Variants in MICU2 observed in about 807,000 individuals in gnomAD.
The protein encoded by MICU2 is calcium uptake protein 2, mitochondrial.
A neutral mutation model predicts 60.4 loss-of-function variants in MICU2; 64 were observed. The ratio of observed to expected loss-of-function variants is 1.06; its 90% CI spans 0.87 to 1.31. The LOEUF is 1.31. Among genes scored for constraint, MICU2 ranks in the 50% most tolerant of loss-of-function variants. MICU2 has a pLI of 0.00. For missense variants in MICU2, 569 were observed against 531.0 expected, an observed-to-expected ratio of 1.07 and a Z score of -0.70; for synonymous variants, 201 against 175.0, an observed-to-expected ratio of 1.15 and a Z score of -1.17.
chr13:21,576,666 C>T (rs1238675720), intron 1 of MICU2, among the ~76,000 whole-genome samples: 1 of 152,162 alleles, frequency 6.6e-6, no homozygotes, highest in African/African-American at 2.4e-5. Context: ...CTTCCATACC[C>T]CAGTCCTCAG....
chr13:21,499,044 T>C (rs1453916260), intron 9 of MICU2, among the ~76,000 whole-genome samples: 1 of 151,946 alleles, frequency 6.6e-6, no homozygotes, highest in African/African-American at 2.4e-5. Context: ...TCCGCCTCCC[T>C]CATTCAAGCG....
chr13:21,549,656 C>G (rs997721561), intron 2 of MICU2, among the ~76,000 whole-genome samples: 1 of 152,072 alleles, frequency 6.6e-6, no homozygotes, highest in Non-Finnish European at 1.5e-5. Context: ...TAAATAAGGG[C>G]ATATCATATA....
At chr13:21,582,462 A>G (rs957658154) in intron 1 of MICU2, among the ~76,000 whole-genome samples, 6 of 152,256 alleles carry the variant, frequency 3.9e-5, no homozygotes, top group African/African-American at 1.4e-4. Flanking sequence ...TTGAGAAACA[A>G]GCAACAGCTC....
At chr13:21,526,009 A>G (rs1886846537) in intron 4 of MICU2, among the ~76,000 whole-genome samples, 2 of 151,246 alleles carry the variant, frequency 1.3e-5, no homozygotes, top group Non-Finnish European at 2.9e-5. Flanking sequence ...GTAGTGGTTC[A>G]CTGCAGCCTT....
intron 9 of MICU2, 136 bp from the exon 10 acceptor site, chr13:21,496,296 C>T: frequency 6.1e-6 from 4 of 655,970 alleles, no homozygotes; most frequent in East Asian, 2.9e-5. Flanking sequence ...TTTCTCTGTC[C>T]CTTTCTCTCT....
In MICU2 at chr13:21,544,532, A is replaced by AAAAAAAAAC. The variant is rs560934524; in HGVS notation, c.359-4845_359-4844insGTTTTTTTT. Reference sequence around the variant, plus strand: ...TAAACACATGAAAAAAAAAAAAAAAAAACTCAATACCACTGATCATCAGGG... The same window carrying AAAAAAAAAC: ...TAAACACATGAAAAAAAAAAAAAAAAAAAAAAAACAACTCAATACCACTGATCATCAGGG... On this transcript the variant is annotated intron_variant, in intron 2 of 11. Coordinates refer to ENST00000382374, the MANE Select transcript of MICU2 (RefSeq NM_152726.3). 4.1e-4 allele frequency among the ~76,000 whole-genome samples: 55 copies of AAAAAAAAAC among 132,578 alleles called. 1 individual carries two copies. Among genetic ancestry groups the AAAAAAAAAC allele is most frequent in the Non-Finnish European group, 6.3e-4 (39 of 61,854 alleles). The allele number at this position is 132,578 out of a possible 152,430, so 87.0% of individuals were successfully genotyped here. A position where few individuals can be genotyped will look rare whatever the true frequency, so the allele number is the denominator to read the frequency against.
chr13:21,555,123 CTA>C (rs1178946857), intron 2 of MICU2, among the ~76,000 whole-genome samples: 3 of 152,284 alleles, frequency 2.0e-5, no homozygotes, highest in African/African-American at 7.2e-5. Context: ...CCTTCTGAAA[CTA>C]TTCCAATCAA....
chr13:21,503,018 C>A lies in MICU2; in HGVS notation c.841G>T (p.Glu281Ter). The A allele has an allele frequency of 1.2e-6, 2 of 1,610,692 alleles. No individual in the cohort carries two copies. The highest frequency in any genetic ancestry group is 8.5e-7 in the Non-Finnish European group (1 of 1,178,940). ...AAAAGTAGCCACTCTGCAAAGTCTT[C>A]TTTTCTCATGAAACTCAAACCTTTA... is the stretch of plus-strand genomic sequence containing the variant. Reference protein sequence around the residue: ...FSKGLSFMRKEDFAEWLLFFT... With the variant: ...FSKGLSFMRK The change falls in exon 9 of 12, where the codon GAA (glutamate) becomes TAA (stop). Residue 281 changes from glutamate (E) to a stop codon, truncating the protein, a stop_gained. Transcript: ENST00000382374. LOFTEE classifies it high-confidence loss of function.
In MICU2 at chr13:21,558,266, AT is replaced by A. The variant is rs1887756719; in HGVS notation, c.358+8530del. Among the ~76,000 whole-genome samples the A allele has an allele frequency of 1.3e-5, 2 of 152,094 alleles. 1 individual carries two copies. Among genetic ancestry groups the A allele is most frequent in the South Asian group, 4.1e-4 (2 of 4,826 alleles). ...CTTCAGTCACCCTGGGATGAGAGTA[AT>A]TTGGGCAGCACTCTAGTTTCCGTTT... On this transcript the variant is annotated intron_variant, in intron 2 of 11. Transcript: ENST00000382374.
intron 1 of MICU2, among the ~76,000 whole-genome samples, chr13:21,596,516 G>A (rs1052454342): frequency 1.3e-5 from 2 of 151,338 alleles, no homozygotes; most frequent in Admixed American, 6.6e-5. Context: ...CTCCGCCTCC[G>A]GGGTTCAAGT....
intron 2 of MICU2, among the ~76,000 whole-genome samples, chr13:21,560,317 GCAC>G (rs1887810282): frequency 1.5e-5 from 1 of 66,012 alleles, no homozygotes; most frequent in Non-Finnish European, 4.1e-5. Context: ...ATATCCAACT[GCAC>G]TAGTACCATT....
At chr13:21,581,478 A>G (rs1888347271) in intron 1 of MICU2, among the ~76,000 whole-genome samples, 2 of 152,328 alleles carry the variant, frequency 1.3e-5, no homozygotes, top group South Asian at 4.1e-4. Flanking sequence ...AACTCCCTGA[A>G]ATCTGTGTGA....
In MICU2 at chr13:21,514,281, C is replaced by A; in HGVS notation, c.663+72G>T. On this transcript the variant is annotated intron_variant, in intron 7 of 11. Coordinates refer to ENST00000382374, the MANE Select transcript of MICU2 (RefSeq NM_152726.3). ...TGATACCAAATCTATTGGTAACTAT[C>A]GGGAATATCTGAACAAACAAAATAG... The A allele has an allele frequency of 2.4e-6, 3 of 1,265,670 alleles. No homozygotes were observed. In the South Asian group the frequency reaches 3.9e-5, roughly 17 times the overall value. 78.4% of individuals were successfully genotyped at this position (1,265,670 alleles called of 1,614,324 possible).
At chr13:21,517,604 T>C (rs1156876420) in intron 6 of MICU2, among the ~76,000 whole-genome samples, 1 of 151,990 alleles carries the variant, frequency 6.6e-6, no homozygotes, top group Non-Finnish European at 1.5e-5. Context: ...GGTGAAACCC[T>C]GTCTCTACTA....
intron 1 of MICU2, among the ~76,000 whole-genome samples, chr13:21,581,587 T>C (rs1305426557): frequency 6.6e-6 from 1 of 152,192 alleles, no homozygotes; most frequent in Non-Finnish European, 1.5e-5. Context: ...CAAAGATGAA[T>C]GATAAAATGG....
intron 6 of MICU2, among the ~76,000 whole-genome samples, chr13:21,517,992 G>T (rs1032766857): frequency 5.9e-5 from 9 of 151,978 alleles, no homozygotes; most frequent in Non-Finnish European, 1.2e-4. Context: ...TCAGCACAAA[G>T]AACCTTCTTT....
At chr13:21,596,787 A>T (rs1888703990) in intron 1 of MICU2, among the ~76,000 whole-genome samples, 1 of 152,210 alleles carries the variant, frequency 6.6e-6, no homozygotes. Context: ...AACCAAAGCC[A>T]TTCTCTTGCT....
Position 21,496,052 on chromosome 13 carries a change from C to T in MICU2, c.1042G>A (p.Ala348Thr), listed in dbSNP as rs760237154. Residue 348 changes from alanine (A) to threonine (T), a missense_variant and splice_region_variant, in exon 10 of 12, where the codon GCG becomes ACG. By Grantham distance (58) the Ala-to-Thr change is moderately conservative. Transcript: ENST00000382374. ...TTAAATGGTTTTTCATATAACTTAC[C>T]TAGTCTGACAGGACGATGAGCTAAA... ...FSLAHRPVRL[A>T]EFKRAVKVAT... 6.2e-7 allele frequency: 1 copy of T among 1,605,392 alleles called. No individual in the cohort carries two copies. Among genetic ancestry groups the T allele is most frequent in the East Asian group, 2.2e-5 (1 of 44,720 alleles).
chr13:21,502,150 CT>C (rs869252511), intron 9 of MICU2, among the ~76,000 whole-genome samples: 2 of 139,898 alleles, frequency 1.4e-5, no homozygotes, highest in African/African-American at 2.6e-5. Flanking sequence ...AAGTTTTCTT[CT>C]TTTTTTTTGT....
Sources: allele counts gnomAD v4.1 joint callset (sites outside exome capture counted in the v4.1 genomes callset), GRCh38; gene constraint gnomAD v4.1.1; transcripts MANE v1.5; gene names NCBI Gene and HGNC (gene_info 2026-07-23, HGNC 2026-07-21).